The following HIVEP3 variants were observed in gnomAD, a reference collection of about 807,000 sequenced individuals.
HIVEP3 encodes the protein HIVEP zinc finger 3, also known as transcription factor HIVEP3.
Under a neutral mutation model 152.8 loss-of-function variants are expected in HIVEP3, and 49 were observed. The ratio of observed to expected loss-of-function variants is 0.32; its 90% CI spans 0.26 to 0.41. The LOEUF is 0.41. Among genes scored for constraint, HIVEP3 ranks in the 10% least tolerant of loss-of-function variants. HIVEP3 has a pLI of 1.00. For synonymous variants in HIVEP3, 1,269 were observed against 1,289.0 expected (o/e 0.98, Z 0.33); for missense variants, 2,790 against 3,103.3 (o/e 0.90, Z 2.40).
intron 1 of HIVEP3, among the ~76,000 whole-genome samples, chr1:41,776,168 C>T (rs187417762): frequency 7.3e-4 from 111 of 152,316 alleles, no homozygotes; most frequent in Admixed American, 5.2e-3. Flanking sequence ...AGGCCCTGCC[C>T]GTGCAGTCCA....
chr1:41,856,420 G>A (rs951473482), intron 1 of HIVEP3, among the ~76,000 whole-genome samples: 1 of 152,160 alleles, frequency 6.6e-6, no homozygotes, highest in East Asian at 1.9e-4. Context: ...ACATCAGCAC[G>A]GTCTTGCTTG....
chr1:41,837,728 T>TA (rs1643167850), intron 1 of HIVEP3, among the ~76,000 whole-genome samples: 1 of 152,234 alleles, frequency 6.6e-6, no homozygotes, highest in African/African-American at 2.4e-5. Flanking sequence ...ATACAAGACT[T>TA]ACAGGCAAGC....
intron 1 of HIVEP3, among the ~76,000 whole-genome samples, chr1:41,874,806 G>T (rs1013227745): frequency 3.3e-5 from 5 of 152,180 alleles, no homozygotes; most frequent in African/African-American, 1.2e-4. Flanking sequence ...CGGTCTCCAA[G>T]TGCCAGTCCC....
chr1:41,626,125 C>G (rs1465553321), intron 3 of HIVEP3, among the ~76,000 whole-genome samples: 1 of 152,264 alleles, frequency 6.6e-6, no homozygotes, highest in Non-Finnish European at 1.5e-5. Flanking sequence ...TTTCCCTGCC[C>G]TCAGTAATTC....
At position 41,511,950 on chromosome 1, in the gene HIVEP3, T is replaced by G. The variant is rs1222030783; in HGVS notation, c.6406-684A>C. 6.6e-6 allele frequency among the ~76,000 whole-genome samples: 1 copy of G among 152,060 alleles called. No individual in the cohort carries two copies. Among genetic ancestry groups the G allele is most frequent in the Non-Finnish European group, 1.5e-5 (1 of 68,018 alleles). Reference sequence around the variant, plus strand: ...ACAGTGGTGGTGCTGGCCATGGGGATAGTGCTGATGGTTGACAAGGATGAT... The same window carrying G: ...ACAGTGGTGGTGCTGGCCATGGGGAGAGTGCTGATGGTTGACAAGGATGAT... On this transcript the variant is annotated intron_variant, in intron 8 of 8. Transcript: ENST00000372583. The surrounding 1 kb of genome is among the most constrained non-coding windows in gnomAD (Gnocchi z 4.9).
At chr1:41,574,116 C>T (rs1274550454) in intron 5 of HIVEP3, among the ~76,000 whole-genome samples, 1 of 152,126 alleles carries the variant, frequency 6.6e-6, no homozygotes, top group Non-Finnish European at 1.5e-5. Context: ...CTGGGGCAAG[C>T]TCCTGGGACA....
intron 1 of HIVEP3, among the ~76,000 whole-genome samples, chr1:41,741,247 T>C (rs1451897624): frequency 6.6e-6 from 1 of 152,162 alleles, no homozygotes; most frequent in Non-Finnish European, 1.5e-5. Flanking sequence ...CCGGGTCCCC[T>C]AGCACCTTTG....
At chr1:42,034,986 G>C (rs1569575320) in intron 1 of HIVEP3, among the ~76,000 whole-genome samples, 1 of 152,148 alleles carries the variant, frequency 6.6e-6, no homozygotes, top group Non-Finnish European at 1.5e-5. Flanking sequence ...CATGCAACCA[G>C]AGCCTAGAGC....
intron 1 of HIVEP3, among the ~76,000 whole-genome samples, chr1:41,924,545 C>A (rs572852520): frequency 6.6e-6 from 1 of 152,084 alleles, no homozygotes; most frequent in Non-Finnish European, 1.5e-5. Context: ...GGAGTTGTTA[C>A]GGCCCTACCA....
rs190786294 is a variant in HIVEP3, at chr1:42,008,147, G to A, written n.119+27660C>T. Among the ~76,000 whole-genome samples the A allele has an allele frequency of 1.1e-4, 16 of 148,550 alleles. No individual in the cohort carries two copies. The East Asian group carries it at 2.5e-3, about 23-fold the overall frequency. On this transcript the variant is annotated intron_variant and non_coding_transcript_variant, in intron 1 of 3. Coordinates refer to the HIVEP3 transcript ENST00000489103. ...AGTAAACAGCACTGAAAATATGATG[G>A]AATGTACAGAACCAAGAAGTCTGAC...
chr1:41,768,839 C>A (rs1648173263), intron 1 of HIVEP3, among the ~76,000 whole-genome samples: 1 of 152,252 alleles, frequency 6.6e-6, no homozygotes, highest in Non-Finnish European at 1.5e-5. Flanking sequence ...GCCCTGTTGG[C>A]TTTGCTTGGC....
At chr1:41,964,299 G>A (rs562346501) in intron 1 of HIVEP3, among the ~76,000 whole-genome samples, 1 of 152,272 alleles carries the variant, frequency 6.6e-6, no homozygotes, top group South Asian at 2.1e-4. Flanking sequence ...GGCCCACCTG[G>A]GAGCCACACG....
chr1:41,692,684 T>A (rs1452648570), intron 2 of HIVEP3, among the ~76,000 whole-genome samples: 2 of 152,238 alleles, frequency 1.3e-5, no homozygotes, highest in African/African-American at 4.8e-5. Context: ...TCTTTCTATA[T>A]ATATGGATGT....
chr1:41,611,471 C>A (rs900175000), intron 3 of HIVEP3, among the ~76,000 whole-genome samples: 5 of 152,200 alleles, frequency 3.3e-5, no homozygotes, highest in Non-Finnish European at 4.4e-5. Flanking sequence ...TCAGAACGAG[C>A]CTATCAGGCC....
chr1:41,766,550 C>T (rs547866141), intron 1 of HIVEP3, among the ~76,000 whole-genome samples: 8 of 152,356 alleles, frequency 5.3e-5, no homozygotes, highest in African/African-American at 1.7e-4. Context: ...GTGCCATTTT[C>T]CCATTGTACA....
In HIVEP3 at chr1:41,664,035, C is replaced by T. The variant is rs955369971; in HGVS notation, c.-720-35088G>A. Among the ~76,000 whole-genome samples, 4 of 152,238 alleles carry T rather than the reference C, an allele frequency of 2.6e-5. No homozygotes were observed. The highest frequency in any genetic ancestry group is 5.9e-5 in the Non-Finnish European group (4 of 68,044). On this transcript the variant is annotated intron_variant, in intron 2 of 8. Transcript: ENST00000372583. This position sits in a 1 kb window ranked among gnomAD's most constrained non-coding sequence, Gnocchi z 4.4. ...GCCCAGCCACCACCCCCAACACGCA[C>T]CACTTTGCACCAGTTTCCACTTCTT...
At chr1:41,904,245 A>G (rs1302134897) in intron 1 of HIVEP3, among the ~76,000 whole-genome samples, 1 of 152,084 alleles carries the variant, frequency 6.6e-6, no homozygotes, top group Admixed American at 6.5e-5. Context: ...GGGTCAAACA[A>G]TGCAGTCACA....
chr1:42,020,306 G>A (rs977992881), intron 1 of HIVEP3, among the ~76,000 whole-genome samples: 17 of 151,840 alleles, frequency 1.1e-4, no homozygotes, highest in Non-Finnish European at 5.9e-5. Flanking sequence ...AGACTTTACC[G>A]GAAAAGCCAT....
chr1:41,998,641 C>T (rs529588524), intron 1 of HIVEP3, among the ~76,000 whole-genome samples: 56 of 152,076 alleles, frequency 3.7e-4, no homozygotes, highest in African/African-American at 1.3e-3. Flanking sequence ...TATTGAATGC[C>T]AAAGCCAATT....
Sources: allele counts gnomAD v4.1 joint callset (sites outside exome capture counted in the v4.1 genomes callset), GRCh38; gene constraint gnomAD v4.1.1; non-coding constraint Gnocchi (gnomAD v3.1); transcripts MANE v1.5; gene names NCBI Gene and HGNC (gene_info 2026-07-23, HGNC 2026-07-21).